Variants in KIAA1328 observed in about 807,000 individuals in gnomAD.
KIAA1328 encodes the protein protein hinderin.
KIAA1328 carries 52 observed loss-of-function variants against 68.1 expected under a neutral mutation model. The observed-to-expected ratio is 0.76, with a 90% confidence interval of 0.61 to 0.96. The LOEUF is 0.96. Ranked by LOEUF, KIAA1328 falls within the 40% of genes least tolerant of loss-of-function variation. The pLI, the probability that KIAA1328 is intolerant of heterozygous loss-of-function variation, is 0.00. For missense variants in KIAA1328, 641 were observed against 677.6 expected (o/e 0.95, Z 0.60); for synonymous variants, 232 against 239.4 (o/e 0.97, Z 0.28).
At chr18:37,008,874 AAG>A (rs755663029) in intron 6 of KIAA1328, among the ~76,000 whole-genome samples, 3 of 152,178 alleles carry the variant, frequency 2.0e-5, no homozygotes, top group Non-Finnish European at 4.4e-5. Flanking sequence ...GAAGGGGAAA[AAG>A]AGAGGAAAAA....
rs148107534 is a variant in KIAA1328 at position 37,120,895 on chromosome 18, A to G, written c.1233-39305A>G. Among the ~76,000 whole-genome samples the G allele has an allele frequency of 1.7e-4, 26 of 152,296 alleles. No individual in the cohort carries two copies. The East Asian group carries it at 5.0e-3, about 29-fold the overall frequency. On this transcript the variant is annotated intron_variant, in intron 7 of 9. Transcript: ENST00000280020. Reference sequence around the variant, plus strand: ...TTAATATAAAAGGAATCTGGAAAGTATAAGATTCTGAGAAGCATCGAGATT... The same window carrying G: ...TTAATATAAAAGGAATCTGGAAAGTGTAAGATTCTGAGAAGCATCGAGATT...
chr18:37,028,357 A>G (rs1342031523), intron 6 of KIAA1328, among the ~76,000 whole-genome samples: 1 of 152,162 alleles, frequency 6.6e-6, no homozygotes, highest in East Asian at 1.9e-4. Context: ...GTGAACAGAA[A>G]TGCTACTGAT....
chr18:37,053,751 C>T (rs927069190), intron 6 of KIAA1328, among the ~76,000 whole-genome samples: 8 of 152,096 alleles, frequency 5.3e-5, no homozygotes, highest in Non-Finnish European at 1.0e-4. Flanking sequence ...ATCACGAGAA[C>T]AGCATGGGAG....
rs761416952 is a variant in KIAA1328 at position 36,973,812 on chromosome 18, T to TACACACACACACAC, written c.576+14381_576+14394dup. On this transcript the variant is annotated intron_variant, in intron 6 of 9. Coordinates refer to ENST00000280020, the MANE Select transcript of KIAA1328 (RefSeq NM_020776.3). ...TTATATATAATTGTGTGTACGCACA[T>TACACACACACACAC]ACACACACACACACACATACACACA... Among the ~76,000 whole-genome samples, 341 of 103,678 alleles carry TACACACACACACAC rather than the reference T, an allele frequency of 3.3e-3. 1 individual carries two copies. Among genetic ancestry groups the TACACACACACACAC allele is most frequent in the East Asian group, 0.011 (27 of 2,374 alleles). 68.0% of individuals were successfully genotyped at this position (103,678 alleles called of 152,430 possible).
At chr18:37,191,588 A>C (rs2059905240) in intron 9 of KIAA1328, among the ~76,000 whole-genome samples, 1 of 152,194 alleles carries the variant, frequency 6.6e-6, no homozygotes, top group Non-Finnish European at 1.5e-5. Context: ...TTCATTGAAC[A>C]GGGAAGTTGG....
rs1322916424 is a variant in KIAA1328 at position 37,076,640 on chromosome 18, G to T, written c.1232+9095G>T. 2.6e-5 allele frequency among the ~76,000 whole-genome samples: 4 copies of T among 151,874 alleles called. No individual in the cohort carries two copies. The East Asian group carries it at 7.7e-4, about 29-fold the overall frequency. ...GAATCAAATAGATGCAATAAAAAAT[G>T]ATCAAGGGGATATCACCACCAATCC... On this transcript the variant is annotated intron_variant, in intron 7 of 9. Transcript: ENST00000280020.
At chr18:37,058,046 G>T (rs1046461368) in intron 6 of KIAA1328, among the ~76,000 whole-genome samples, 2 of 152,176 alleles carry the variant, frequency 1.3e-5, no homozygotes, top group African/African-American at 4.8e-5. Flanking sequence ...TTGCAGGGGT[G>T]CAACAGACAA....
Position 37,050,899 on chromosome 18 carries a change from G to A in KIAA1328, c.577-15991G>A, listed in dbSNP as rs1475762312. 3.3e-5 allele frequency among the ~76,000 whole-genome samples: 5 copies of A among 152,104 alleles called. No individual in the cohort carries two copies. In the East Asian group the frequency reaches 7.7e-4, roughly 23 times the overall value. On this transcript the variant is annotated intron_variant, in intron 6 of 9. Coordinates refer to ENST00000280020, the MANE Select transcript of KIAA1328 (RefSeq NM_020776.3). ...TTTTCTTTTCTTTCATTTCCTTGATGTACAGCAACTTAATCCTGGTGTTTT... is the reference window on the plus strand; with the variant it reads ...TTTTCTTTTCTTTCATTTCCTTGATATACAGCAACTTAATCCTGGTGTTTT...
intron 8 of KIAA1328, among the ~76,000 whole-genome samples, chr18:37,163,270 T>C (rs981086307): frequency 2.0e-5 from 3 of 152,166 alleles, no homozygotes; most frequent in Non-Finnish European, 4.4e-5. Flanking sequence ...AGCCACTGAG[T>C]GCGCAGTTTT....
chr18:36,860,454 A>C (rs1568088089), intron 4 of KIAA1328, among the ~76,000 whole-genome samples: 1 of 151,396 alleles, frequency 6.6e-6, no homozygotes. Flanking sequence ...TTATAGCTGC[A>C]TTTTTTTTCA....
intron 5 of KIAA1328, among the ~76,000 whole-genome samples, chr18:36,917,837 T>C (rs927884558): frequency 1.8e-4 from 27 of 152,134 alleles, no homozygotes; most frequent in Admixed American, 1.8e-3. Flanking sequence ...CTGCTCAGGA[T>C]TGACTGAGGC....
At chr18:36,921,329 AAATT>A (rs2049913412) in intron 5 of KIAA1328, 1 of 152,122 alleles carries the variant, frequency 6.6e-6, no homozygotes, top group African/African-American at 2.4e-5. Flanking sequence ...TAAATTTCAT[AAATT>A]AACAACAGAA....
chr18:36,936,706 GT>G (rs1453791976), intron 5 of KIAA1328, among the ~76,000 whole-genome samples: 1 of 152,162 alleles, frequency 6.6e-6, no homozygotes, highest in Non-Finnish European at 1.5e-5. Context: ...TTTCACAATG[GT>G]TGAACTAATT....
chr18:37,192,767 G>T (rs1387753104), intron 9 of KIAA1328, among the ~76,000 whole-genome samples: 1 of 152,040 alleles, frequency 6.6e-6, no homozygotes, highest in Non-Finnish European at 1.5e-5. Context: ...ATATTAAATG[G>T]CCATTATCTA....
At chr18:37,104,980 A>G (rs1201256354) in intron 7 of KIAA1328, among the ~76,000 whole-genome samples, 1 of 152,138 alleles carries the variant, frequency 6.6e-6, no homozygotes, top group Non-Finnish European at 1.5e-5. Context: ...TTTTCCGGTT[A>G]TCTCCCCCTT....
At chr18:36,965,982 A>T (rs576369267) in intron 6 of KIAA1328, among the ~76,000 whole-genome samples, 1 of 152,050 alleles carries the variant, frequency 6.6e-6, no homozygotes, top group African/African-American at 2.4e-5. Context: ...CTCACAGACT[A>T]AAAGGTCTGT....
chr18:36,905,529 G>A (rs1369030889), intron 5 of KIAA1328, among the ~76,000 whole-genome samples: 3 of 151,970 alleles, frequency 2.0e-5, no homozygotes, highest in African/African-American at 7.3e-5. Flanking sequence ...AGTTATTGTA[G>A]CTATGAATTC....
At chr18:37,193,451 T>C (rs548674331) in intron 9 of KIAA1328, 43 of 616,796 alleles carry the variant, frequency 7.0e-5, no homozygotes, top group Non-Finnish European at 1.2e-4. Context: ...TAGAGTTAGG[T>C]CAAATGTTGC....
At chr18:36,934,053 G>A (rs1038125483) in intron 5 of KIAA1328, among the ~76,000 whole-genome samples, 4 of 152,134 alleles carry the variant, frequency 2.6e-5, no homozygotes, top group Non-Finnish European at 5.9e-5. Context: ...TACCAGTTCA[G>A]ATATCTATGG....
Sources: allele counts gnomAD v4.1 joint callset (sites outside exome capture counted in the v4.1 genomes callset), GRCh38; gene constraint gnomAD v4.1.1; transcripts MANE v1.5; gene names NCBI Gene and HGNC (gene_info 2026-07-23, HGNC 2026-07-21).